Variants in HELZ observed in about 807,000 individuals in gnomAD.
The protein encoded by HELZ is ATP-dependent RNA helicase with zinc finger domain.
Under a neutral mutation model 218.2 loss-of-function variants are expected in HELZ, and 23 were observed. The observed-to-expected ratio is 0.11, with a 90% CI of 0.08 to 0.15. The LOEUF is 0.15. Among genes scored for constraint, HELZ ranks in the 10% least tolerant of loss-of-function variants. HELZ has a pLI of 1.00. For synonymous variants in HELZ, 814 were observed against 829.4 expected, an observed-to-expected ratio of 0.98 and a Z score of 0.32; for missense variants, 1,813 against 2,353.7, an observed-to-expected ratio of 0.77 and a Z score of 4.75.
rs1008059846 is a variant in HELZ, at chr17:67,243,360, C to T, written c.-76+424G>A. ...TTTCTAACGGAAAGGGTATACTTTA[C>T]GAGTCCCACAAACCAGGTACACACA... On this transcript the variant is annotated intron_variant, in intron 2 of 32. Coordinates refer to ENST00000358691, the MANE Select transcript of HELZ (RefSeq NM_014877.4). 5.3e-5 allele frequency among the ~76,000 whole-genome samples: 8 copies of T among 152,266 alleles called. No homozygotes were observed. The South Asian group carries it at 8.3e-4, about 16-fold the overall frequency.
rs2035892854 is a variant in HELZ, at chr17:67,071,819, C to T, written c.*6433G>A. On this transcript the variant is annotated 3_prime_UTR_variant, in exon 33 of 33. Transcript: ENST00000358691. ...CATGCTGTGTAGGTGGTAGATCCCC[C>T]TAGGCTGTTTTGCAAACACATATAG... The T allele has an allele frequency of 6.6e-6, 1 of 152,526 alleles. No homozygotes were observed. Among genetic ancestry groups the T allele is most frequent in the South Asian group, 2.1e-4 (1 of 4,824 alleles). 9.4% of individuals were successfully genotyped at this position (152,526 alleles called of 1,614,324 possible). A position where few individuals can be genotyped will look rare whatever the true frequency, so the allele number is the denominator to read the frequency against.
chr17:67,217,002 T>C (rs1226551406), intron 4 of HELZ, among the ~76,000 whole-genome samples: 3 of 152,160 alleles, frequency 2.0e-5, no homozygotes, highest in South Asian at 2.1e-4. Context: ...TTTCCCTTGG[T>C]GATTCTACGC....
chr17:67,244,905 C>A (rs1399631442), intron 1 of HELZ: 26 of 986,034 alleles, frequency 2.6e-5, no homozygotes, highest in Non-Finnish European at 3.1e-5. Context: ...ACGCTGCGGG[C>A]CCCAGCGGAG....
intron 31 of HELZ, among the ~76,000 whole-genome samples, chr17:67,097,487 T>G (rs1398981437): frequency 2.6e-5 from 4 of 152,344 alleles, no homozygotes; most frequent in African/African-American, 9.6e-5. Flanking sequence ...TTTTAAAAAA[T>G]GCCATTTGAA....
At chr17:67,170,587 G>A (rs1369283046) in intron 13 of HELZ, among the ~76,000 whole-genome samples, 1 of 152,016 alleles carries the variant, frequency 6.6e-6, no homozygotes, top group Non-Finnish European at 1.5e-5. Flanking sequence ...AGCACTTTGG[G>A]AGGCCGAGGC....
intron 5 of HELZ, among the ~76,000 whole-genome samples, chr17:67,214,034 A>C (rs76177001): frequency 0.035 from 5,350 of 152,262 alleles, 142 homozygotes; most frequent in Non-Finnish European, 0.059. Flanking sequence ...ACTAATAACA[A>C]TAACTTCTTC....
chr17:67,155,147 G>T (rs1181625163), intron 17 of HELZ, among the ~76,000 whole-genome samples: 1 of 152,122 alleles, frequency 6.6e-6, no homozygotes, highest in Non-Finnish European at 1.5e-5. Context: ...TGTACAAAAG[G>T]ATGTGCACCA....
At chr17:67,154,216 C>T (rs2038772401) in intron 17 of HELZ, among the ~76,000 whole-genome samples, 8 of 152,006 alleles carry the variant, frequency 5.3e-5, no homozygotes, top group Admixed American at 5.2e-4. Flanking sequence ...ACACTTGAGG[C>T]CAGGAGTTCA....
intron 9 of HELZ, among the ~76,000 whole-genome samples, chr17:67,192,751 G>A (rs942396071): frequency 3.3e-5 from 5 of 151,850 alleles, no homozygotes; most frequent in Non-Finnish European, 7.4e-5. Context: ...CTAAAGAGGC[G>A]GTGAGAATTT....
chr17:67,093,267 C>T (rs2036629010), intron 31 of HELZ, among the ~76,000 whole-genome samples: 1 of 151,894 alleles, frequency 6.6e-6, no homozygotes, highest in Middle Eastern at 3.4e-3. Flanking sequence ...ATATTAAATG[C>T]AATAGTTCTT....
intron 6 of HELZ, 100 bp downstream of exon 6, chr17:67,203,219 T>A: frequency 7.8e-7 from 1 of 1,280,388 alleles, no homozygotes. Context: ...GAGGAAGAAC[T>A]AAAAGAAAAA....
At chr17:67,155,956 T>C (rs891917999) in intron 17 of HELZ, among the ~76,000 whole-genome samples, 16 of 149,354 alleles carry the variant, frequency 1.1e-4, no homozygotes, top group African/African-American at 3.2e-4. Context: ...TATACACATA[T>C]AATTTTTATT....
chr17:67,141,735 AT>A (rs1463884120), intron 21 of HELZ, among the ~76,000 whole-genome samples: 26 of 152,206 alleles, frequency 1.7e-4, no homozygotes, highest in Admixed American at 1.6e-3. Flanking sequence ...AACTCAAAAA[AT>A]ATAATTAAAA....
At chr17:67,088,045 C>T (rs1276494403) in intron 31 of HELZ, among the ~76,000 whole-genome samples, 1 of 152,180 alleles carries the variant, frequency 6.6e-6, no homozygotes, top group Non-Finnish European at 1.5e-5. Flanking sequence ...ATGAATTACC[C>T]ACAGTCCCCA....
intron 17 of HELZ, among the ~76,000 whole-genome samples, chr17:67,158,778 A>C (rs1276655568): frequency 9.2e-5 from 14 of 152,184 alleles, no homozygotes; most frequent in Non-Finnish European, 1.3e-4. Context: ...ATAACTTCTT[A>C]TTCTGCATAT....
At chr17:67,111,029 A>C (rs1434380669) in intron 28 of HELZ, among the ~76,000 whole-genome samples, 1 of 152,230 alleles carries the variant, frequency 6.6e-6, no homozygotes, top group Non-Finnish European at 1.5e-5. Flanking sequence ...ATGCTAGGTA[A>C]AGGTAACAGT....
intron 23 of HELZ, among the ~76,000 whole-genome samples, chr17:67,133,478 T>A (rs2038050810): frequency 6.6e-6 from 1 of 152,054 alleles, no homozygotes; most frequent in Non-Finnish European, 1.5e-5. Flanking sequence ...ATATTTGGAG[T>A]TATTTATAAG....
chr17:67,190,367 A>G lies in HELZ; in HGVS notation c.558-12T>C, dbSNP rs2039860744. 2 of 1,586,342 alleles carry G rather than the reference A, an allele frequency of 1.3e-6. No homozygotes were observed. The highest frequency in any genetic ancestry group is 2.7e-5 in the African/African-American group (2 of 74,456). On this transcript the variant is annotated splice_polypyrimidine_tract_variant and intron_variant, in intron 9 of 32. Transcript: ENST00000358691. The stretch of plus-strand genomic sequence containing the variant: ...CTTGTTCTAAAAATCTAAGTAGAAT[A>G]GGAAAGACTGTTTTATCATATACTT...
chr17:67,154,374 A>G (rs537504584), intron 17 of HELZ, among the ~76,000 whole-genome samples: 2 of 152,326 alleles, frequency 1.3e-5, no homozygotes, highest in Admixed American at 6.5e-5. Flanking sequence ...GTCTGCAGTG[A>G]GCTGAAATCA....
Sources: gnomAD v4.1 joint callset for allele counts (sites outside exome capture counted in the v4.1 genomes callset) on GRCh38, gnomAD v4.1.1 for gene constraint, MANE v1.5 for transcripts, NCBI Gene and HGNC (gene_info 2026-07-23, HGNC 2026-07-21) for gene names.